GOPC: variants seen among roughly 807,000 people sequenced by gnomAD.
The protein encoded by GOPC is golgi associated PDZ and coiled-coil motif containing, also known as Golgi-associated PDZ and coiled-coil motif-containing protein.
In GOPC, 32 loss-of-function variants were observed where a neutral mutation model predicts 51.2. That is an observed-to-expected ratio of 0.63 (90% CI 0.47 to 0.84). The LOEUF (loss-of-function observed/expected upper bound fraction) is 0.84, where lower values mean the gene tolerates loss of function less well. GOPC is among the 40% of genes least tolerant of loss of function. The pLI is 0.00. For synonymous variants in GOPC, 190 were observed against 205.1 expected, an observed-to-expected ratio of 0.93 and a Z score of 0.63; for missense variants, 441 against 555.5, an observed-to-expected ratio of 0.79 and a Z score of 2.07.
chr6:117,569,199 C>G (rs1232211220), intron 7 of GOPC, among the ~76,000 whole-genome samples: 1 of 152,148 alleles, frequency 6.6e-6, no homozygotes, highest in African/African-American at 2.4e-5. Context: ...ACTGTCTTTT[C>G]TGTAATACCT....
At chr6:117,588,628 A>AT (rs1281614708) in intron 1 of GOPC, among the ~76,000 whole-genome samples, 2 of 152,050 alleles carry the variant, frequency 1.3e-5, no homozygotes, top group East Asian at 3.9e-4. Context: ...CTTCTAAAAC[A>AT]TTTTTTGGTT....
intron 1 of GOPC, among the ~76,000 whole-genome samples, chr6:117,600,467 T>C (rs923917750): frequency 3.9e-5 from 6 of 152,214 alleles, no homozygotes; most frequent in Admixed American, 3.9e-4. Context: ...ATTCGAATTA[T>C]ACCATGTGGT....
chr6:117,576,446 G>T (rs2114612961), intron 3 of GOPC, among the ~76,000 whole-genome samples: 1 of 152,096 alleles, frequency 6.6e-6, no homozygotes, highest in East Asian at 1.9e-4. Flanking sequence ...TGTTTCAAAA[G>T]AAACCAGTTT....
intron 1 of GOPC, among the ~76,000 whole-genome samples, chr6:117,579,450 T>C (rs984155325): frequency 1.3e-5 from 2 of 152,104 alleles, no homozygotes; most frequent in Admixed American, 6.6e-5. Context: ...ACATTAACAG[T>C]ATTAGAGAAG....
intron 1 of GOPC, among the ~76,000 whole-genome samples, chr6:117,582,354 G>A (rs1369018267): frequency 1.3e-5 from 2 of 151,346 alleles, no homozygotes; most frequent in Non-Finnish European, 2.9e-5. Flanking sequence ...AGATGGGGGT[G>A]TGTCCTCGGC....
At chr6:117,599,446 G>A (rs1771953811) in intron 1 of GOPC, among the ~76,000 whole-genome samples, 1 of 152,160 alleles carries the variant, frequency 6.6e-6, no homozygotes, top group Non-Finnish European at 1.5e-5. Context: ...TACTTTGAAA[G>A]GCACTGCTGA....
At chr6:117,601,715 G>T (rs1772013369) in intron 1 of GOPC, among the ~76,000 whole-genome samples, 1 of 152,212 alleles carries the variant, frequency 6.6e-6, no homozygotes. Context: ...GAGAATCTTT[G>T]TTAGGTTTGT....
intron 4 of GOPC, among the ~76,000 whole-genome samples, chr6:117,573,951 C>G (rs899365867): frequency 3.3e-5 from 5 of 152,130 alleles, no homozygotes; most frequent in Non-Finnish European, 7.4e-5. Flanking sequence ...TGCAAAGTCA[C>G]TGAACTCAGA....
chr6:117,590,699 G>T (rs1282767679), intron 1 of GOPC, among the ~76,000 whole-genome samples: 1 of 151,900 alleles, frequency 6.6e-6, no homozygotes, highest in African/African-American at 2.4e-5. Flanking sequence ...TAGTCAGAAA[G>T]AAGTTCTCTG....
At chr6:117,600,161 T>C (rs1771972157) in intron 1 of GOPC, among the ~76,000 whole-genome samples, 1 of 152,206 alleles carries the variant, frequency 6.6e-6, no homozygotes, top group South Asian at 2.1e-4. Flanking sequence ...GCCTTCTTGC[T>C]GGCAGGGGAT....
chr6:117,570,925 C>A lies in GOPC; in HGVS notation c.847G>T (p.Val283Phe), dbSNP rs200868852. 6.3e-7 allele frequency: 1 copy of A among 1,595,674 alleles called. No homozygotes were observed. The highest frequency in any genetic ancestry group is 8.6e-7 in the Non-Finnish European group (1 of 1,168,036). The change falls in exon 6 of 9, where the codon GTT becomes TTT. Residue 283 changes from valine (V) to phenylalanine (F), a missense_variant. Transcript: ENST00000368498. ...DQDSLKKSQG[V>F]GPIRKVLLLK... ...AGGAGAACTTTTCTAATTGGACCAA[C>A]ACCTTGGCTTTTCTTTAGGGAATCT...
intron 4 of GOPC, among the ~76,000 whole-genome samples, chr6:117,574,122 A>AGCTACTTGGAGGCG (rs1779844706): frequency 6.6e-6 from 1 of 152,040 alleles, no homozygotes. Context: ...GCATGGTGGC[A>AGCTACTTGGAGGCG]TGCCTGTGGT....
intron 1 of GOPC, among the ~76,000 whole-genome samples, chr6:117,601,171 G>A (rs955565087): frequency 6.6e-6 from 1 of 152,100 alleles, no homozygotes; most frequent in Non-Finnish European, 1.5e-5. Context: ...TACTCTTTAT[G>A]CAATAATGTT....
intron 1 of GOPC, among the ~76,000 whole-genome samples, chr6:117,588,872 C>T (rs962584702): frequency 6.7e-6 from 1 of 150,262 alleles, no homozygotes; most frequent in Non-Finnish European, 1.5e-5. Flanking sequence ...ATGCAAAGGA[C>T]TCCAGAAACC....
intron 8 of GOPC, among the ~76,000 whole-genome samples, chr6:117,565,956 C>T (rs1779688128): frequency 6.6e-6 from 1 of 152,096 alleles, no homozygotes; most frequent in Admixed American, 6.6e-5. Flanking sequence ...CTTCCCATCT[C>T]ATCACAAAGA....
chr6:117,573,607 G>C lies in GOPC; in HGVS notation c.676C>G (p.Arg226Gly). 6.2e-7 allele frequency: 1 copy of C among 1,613,446 alleles called. No homozygotes were observed. Among genetic ancestry groups the C allele is most frequent in the Non-Finnish European group, 8.5e-7 (1 of 1,179,660 alleles). The change falls in exon 5 of 9, where the codon CGA becomes GGA. Residue 226 changes from arginine to glycine, a missense_variant. Arg to Gly is a moderately radical substitution (Grantham distance 125). Around this residue, in one of 3 missense-constraint regions of GOPC, gnomAD observed 166 missense variants for 267.0 expected, o/e 0.62. Coordinates refer to ENST00000368498, the MANE Select transcript of GOPC (RefSeq NM_020399.4). ...TCATGAGCAGGTCCCTTCATATCTC[G>C]TCCTAGCAATTGTATCTGTTGGACC... ...GRVQQIQLLGRDMKGPAHDKL... is the reference protein window; with the variant it reads ...GRVQQIQLLGGDMKGPAHDKL...
intron 1 of GOPC, among the ~76,000 whole-genome samples, chr6:117,585,418 C>T (rs1780016251): frequency 6.6e-6 from 1 of 152,170 alleles, no homozygotes; most frequent in South Asian, 2.1e-4. Flanking sequence ...CATCAAGTTG[C>T]ACAGCATGAA....
chr6:117,583,255 G>A (rs781099984), intron 1 of GOPC, among the ~76,000 whole-genome samples: 1 of 152,222 alleles, frequency 6.6e-6, no homozygotes, highest in Non-Finnish European at 1.5e-5. Flanking sequence ...AGGGTGGGCT[G>A]AGTAAACAGG....
At chr6:117,582,950 G>A (rs907972047) in intron 1 of GOPC, among the ~76,000 whole-genome samples, 7 of 152,016 alleles carry the variant, frequency 4.6e-5, no homozygotes, top group African/African-American at 1.7e-4. Context: ...GGTGCAGTGA[G>A]CTGATAATAC....
Sources: allele counts gnomAD v4.1 joint callset (sites outside exome capture counted in the v4.1 genomes callset), GRCh38; gene constraint gnomAD v4.1.1; regional missense constraint gnomAD v4.1.1; transcripts MANE v1.5; gene names NCBI Gene and HGNC (gene_info 2026-07-23, HGNC 2026-07-21).